Variants in CASZ1 observed in about 807,000 individuals in gnomAD.
CASZ1 encodes zinc finger protein castor homolog 1.
Under a neutral mutation model 135.2 loss-of-function variants are expected in CASZ1, and 28 were observed. The observed-to-expected ratio is 0.21, with a 90% CI of 0.15 to 0.28. The LOEUF is 0.28. Ranked by LOEUF, CASZ1 falls within the 10% of genes least tolerant of loss-of-function variation. The pLI is 1.00. For synonymous variants in CASZ1, 1,068 were observed against 1,073.4 expected (o/e 0.99, Z 0.10); for missense variants, 2,161 against 2,453.3 (o/e 0.88, Z 2.52).
chr1:10,688,075 C>T (rs928268758), intron 4 of CASZ1, among the ~76,000 whole-genome samples: 29 of 152,222 alleles, frequency 1.9e-4, no homozygotes, highest in African/African-American at 6.8e-4. Context: ...AGCCCCGGCC[C>T]GTACCAGGCC....
intron 1 of CASZ1, among the ~76,000 whole-genome samples, chr1:10,783,267 G>A (rs1403808302): frequency 6.6e-6 from 1 of 151,778 alleles, no homozygotes; most frequent in Non-Finnish European, 1.5e-5. Flanking sequence ...GTGTGTGTGT[G>A]TGTGTGTGTG....
At chr1:10,696,840 G>A (rs1638944434) in intron 3 of CASZ1, among the ~76,000 whole-genome samples, 1 of 152,260 alleles carries the variant, frequency 6.6e-6, no homozygotes, top group Non-Finnish European at 1.5e-5. Flanking sequence ...TGAGGAAGGT[G>A]TGGAGGGGAA....
chr1:10,712,217 G>C (rs2100459748), intron 2 of CASZ1, among the ~76,000 whole-genome samples: 1 of 151,950 alleles, frequency 6.6e-6, no homozygotes, highest in African/African-American at 2.4e-5. Context: ...ATGGTGGTGG[G>C]CGCCTGTAAT....
chr1:10,672,273 G>A (rs1165413915), intron 4 of CASZ1, among the ~76,000 whole-genome samples: 2 of 102,022 alleles, frequency 2.0e-5, no homozygotes, highest in East Asian at 3.6e-4. Context: ...TCAGCCGCCC[G>A]GCCGCCCAGC....
rs1303820181 is a variant in CASZ1 at position 10,638,533 on chromosome 1, G to GCCGCCCCGCCAGCGGCTCCAGGAC, written c.*408_*409insGTCCTGGAGCCGCTGGCGGGGCGG. On this transcript the variant is annotated 3_prime_UTR_variant, in exon 21 of 21. Coordinates refer to ENST00000377022, the MANE Select transcript of CASZ1 (RefSeq NM_001079843.3). The surrounding 1 kb of genome is among the most constrained non-coding windows in gnomAD (Gnocchi z 5.9). ...GGAGGCCCCGCCAGCGGCTCCAGGA[G>GCCGCCCCGCCAGCGGCTCCAGGAC]CCACCCCGCCCTGGTGGCGCGCGGT... 2.0e-5 allele frequency: 3 copies of GCCGCCCCGCCAGCGGCTCCAGGAC among 151,652 alleles called. No individual in the cohort carries two copies. Among genetic ancestry groups the GCCGCCCCGCCAGCGGCTCCAGGAC allele is most frequent in the Non-Finnish European group, 4.4e-5 (3 of 67,812 alleles). The allele number at this position is 151,652 out of a possible 1,614,324, so 9.4% of individuals were successfully genotyped here.
Position 10,662,551 on chromosome 1 carries a change from ACACT to A in CASZ1, c.506-2019_506-2016del, listed in dbSNP as rs529569114. Among the ~76,000 whole-genome samples, 166 of 151,972 alleles carry A rather than the reference ACACT, an allele frequency of 1.1e-3. 1 individual carries two copies. The highest frequency in any genetic ancestry group is 3.8e-3 in the African/African-American group (157 of 41,442). The stretch of plus-strand genomic sequence containing the variant: ...ACACACAACACACATGCAATCACAC[ACACT>A]CTACACACCCAGTCATGTGCTCACA... On this transcript the variant is annotated intron_variant, in intron 5 of 20. Coordinates refer to ENST00000377022, the MANE Select transcript of CASZ1 (RefSeq NM_001079843.3).
At chr1:10,771,715 C>T (rs1446507418) in intron 1 of CASZ1, among the ~76,000 whole-genome samples, 1 of 152,100 alleles carries the variant, frequency 6.6e-6, no homozygotes, top group African/African-American at 2.4e-5. Flanking sequence ...CCAACTGTCA[C>T]CCTCCAGATT....
At position 10,658,544 on chromosome 1, in the gene CASZ1, G is replaced by C; in HGVS notation, c.1373C>G (p.Thr458Ser). Residue 458 changes from threonine to serine, a missense_variant, in exon 7 of 21, where the codon ACT (threonine) becomes AGT (serine). By Grantham distance (58) the Thr-to-Ser change is moderately conservative (BLOSUM62 1). Around this residue, in one of 7 missense-constraint regions of CASZ1, gnomAD observed 248 missense variants for 410.8 expected, o/e 0.60. Transcript: ENST00000377022. ...NGLPTDKPAV[T>S]EDVNIYQKYI... ...TTTCTGGTAAATGTTTACATCTTCA[G>C]TGACGGCTGGTTTATCTGTGGGCAG... 6.2e-7 allele frequency: 1 copy of C among 1,614,110 alleles called. No individual in the cohort carries two copies. The highest frequency in any genetic ancestry group is 8.5e-7 in the Non-Finnish European group (1 of 1,179,988).
chr1:10,722,911 G>C (rs1260153149), intron 2 of CASZ1, among the ~76,000 whole-genome samples: 1 of 152,254 alleles, frequency 6.6e-6, no homozygotes, highest in Non-Finnish European at 1.5e-5. Context: ...TGCCATCCGG[G>C]GGAGCTTGGA....
Position 10,759,473 on chromosome 1 carries a change from G to T in CASZ1, c.-77+1228C>A, listed in dbSNP as rs1640322504. On this transcript the variant is annotated intron_variant, in intron 2 of 20. Transcript: ENST00000377022. The surrounding 1 kb of genome is among the most constrained non-coding windows in gnomAD (Gnocchi z 4.2). ...ATGATCACCTTCTGCACACCAGGAA[G>T]AAGAGTCGCAGCCACACAGTTGCCC... Among the ~76,000 whole-genome samples, 1 of 152,164 alleles carries T rather than the reference G, an allele frequency of 6.6e-6. No individual in the cohort carries two copies. Among genetic ancestry groups the T allele is most frequent in the African/African-American group, 2.4e-5 (1 of 41,422 alleles).
At position 10,657,718 on chromosome 1, in the gene CASZ1, G is replaced by GGCGGGA. The variant is rs1642853521; in HGVS notation, c.1409+784_1409+789dup. ...GACGTGGAGGCGGAGAGACAGAGCG[G>GGCGGGA]GCGGGAGGAACCTGGAAGATCTGCG... is the stretch of plus-strand genomic sequence containing the variant. On this transcript the variant is annotated intron_variant, in intron 7 of 20. Coordinates refer to ENST00000377022, the MANE Select transcript of CASZ1 (RefSeq NM_001079843.3). This position sits in a 1 kb window ranked among gnomAD's most constrained non-coding sequence, Gnocchi z 5.7. Among the ~76,000 whole-genome samples the GGCGGGA allele has an allele frequency of 6.6e-6, 1 of 151,356 alleles. No individual in the cohort carries two copies. The highest frequency in any genetic ancestry group is 2.1e-4 in the South Asian group (1 of 4,754).
At chr1:10,740,047 C>G (rs2100529111) in intron 2 of CASZ1, among the ~76,000 whole-genome samples, 1 of 152,308 alleles carries the variant, frequency 6.6e-6, no homozygotes, top group South Asian at 2.1e-4. Flanking sequence ...TTACCACCAC[C>G]CCATAGGAAA....
At chr1:10,770,075 TTC>T (rs1477605323) in intron 1 of CASZ1, among the ~76,000 whole-genome samples, 1 of 152,140 alleles carries the variant, frequency 6.6e-6, no homozygotes, top group Non-Finnish European at 1.5e-5. Context: ...TTTCTCTCTC[TTC>T]TCTTTTTTCT....
intron 2 of CASZ1, among the ~76,000 whole-genome samples, chr1:10,708,079 C>A (rs527471722): frequency 6.6e-6 from 1 of 152,346 alleles, no homozygotes; most frequent in Admixed American, 6.5e-5. Flanking sequence ...TGTTCCTAAT[C>A]TTAAGTACTC....
rs373498767 is a variant in CASZ1 at position 10,707,566 on chromosome 1, C to G, written c.-76-2022G>C. Among the ~76,000 whole-genome samples, 5 of 152,066 alleles carry G rather than the reference C, an allele frequency of 3.3e-5. No homozygotes were observed. The highest frequency in any genetic ancestry group is 1.2e-4 in the African/African-American group (5 of 41,406). On this transcript the variant is annotated intron_variant, in intron 2 of 20. Transcript: ENST00000377022. The surrounding 1 kb of genome is among the most constrained non-coding windows in gnomAD (Gnocchi z 5.0). ...GGGAGGGGAGGGCCAGAGATGTGTA[C>G]GTACAGGGACCAGGACATGCACGGG...
rs139751533 is a variant in CASZ1 at position 10,782,793 on chromosome 1, G to C, written c.-234+13771C>G. Among the ~76,000 whole-genome samples the C allele has an allele frequency of 3.9e-5, 6 of 152,346 alleles. No homozygotes were observed. The East Asian group carries it at 9.7e-4, about 25-fold the overall frequency. Reference sequence around the variant, plus strand: ...GAGGGGGCTGGGCCGTCCCTGGGAGGGGGGAAGGCTGGGGCACGACCCCTG... The same window carrying C: ...GAGGGGGCTGGGCCGTCCCTGGGAGCGGGGAAGGCTGGGGCACGACCCCTG... On this transcript the variant is annotated intron_variant, in intron 1 of 20. Transcript: ENST00000377022.
rs1639233904 is a variant in CASZ1 at position 10,709,127 on chromosome 1, A to G, written c.-76-3583T>C. ...TTGCTGGAGCCGCTGCTGGTCCAGGACTTGGCTTTGGAGCCTCTCACCCAC... is the reference window on the plus strand; with the variant it reads ...TTGCTGGAGCCGCTGCTGGTCCAGGGCTTGGCTTTGGAGCCTCTCACCCAC... On this transcript the variant is annotated intron_variant, in intron 2 of 20. Coordinates refer to ENST00000377022, the MANE Select transcript of CASZ1 (RefSeq NM_001079843.3). The surrounding 1 kb of genome is among the most constrained non-coding windows in gnomAD (Gnocchi z 5.1). Among the ~76,000 whole-genome samples the G allele has an allele frequency of 6.6e-6, 1 of 152,106 alleles. No homozygotes were observed. Among genetic ancestry groups the G allele is most frequent in the Non-Finnish European group, 1.5e-5 (1 of 68,010 alleles).
intron 8 of CASZ1, among the ~76,000 whole-genome samples, 194 bp downstream of exon 8, chr1:10,656,452 G>C (rs532823883): frequency 2.0e-3 from 305 of 152,308 alleles, no homozygotes; most frequent in African/African-American, 7.1e-3. Flanking sequence ...CCAATCGTAG[G>C]AGCTGCTCTG....
intron 4 of CASZ1, among the ~76,000 whole-genome samples, chr1:10,678,727 G>C (rs1009971306): frequency 1.1e-4 from 17 of 152,150 alleles, no homozygotes; most frequent in African/African-American, 3.4e-4. Flanking sequence ...CGAGCGGGAG[G>C]GGGGAGGGCA....
Sources: gnomAD v4.1 joint callset for allele counts (sites outside exome capture counted in the v4.1 genomes callset) on GRCh38, gnomAD v4.1.1 for gene constraint, gnomAD v4.1.1 regional missense constraint, Gnocchi (gnomAD v3.1) non-coding constraint, MANE v1.5 for transcripts, NCBI Gene and HGNC (gene_info 2026-07-23, HGNC 2026-07-21) for gene names.